STXBP6: variants seen among roughly 807,000 people sequenced by gnomAD.
STXBP6 encodes the protein syntaxin binding protein 6.
A neutral mutation model predicts 26.9 loss-of-function variants in STXBP6; 21 were observed. The observed-to-expected ratio is 0.78, with a 90% confidence interval of 0.55 to 1.12. STXBP6 has a LOEUF of 1.12. STXBP6 is among the 50% of genes most tolerant of loss of function. The pLI, the probability that STXBP6 is intolerant of heterozygous loss-of-function variation, is 0.00. For missense variants in STXBP6, 232 were observed against 257.9 expected (o/e 0.90, Z 0.69); for synonymous variants, 97 against 92.6 (o/e 1.05, Z -0.27).
chr14:24,961,632 G>A (rs969921920), intron 2 of STXBP6, among the ~76,000 whole-genome samples: 3 of 151,870 alleles, frequency 2.0e-5, no homozygotes, highest in Non-Finnish European at 2.9e-5. Context: ...GACAGATACC[G>A]GGGACTCTAA....
chr14:24,906,737 A>G (rs2139681895), intron 2 of STXBP6, among the ~76,000 whole-genome samples: 1 of 152,298 alleles, frequency 6.6e-6, no homozygotes, highest in African/African-American at 2.4e-5. Flanking sequence ...TCAAATTTCT[A>G]AGCTGGCAGT....
In STXBP6 at chr14:25,049,974, G is replaced by A. The variant is rs1331631467; in HGVS notation, c.-129C>T. The A allele has an allele frequency of 1.3e-6, 1 of 744,190 alleles. No homozygotes were observed. Among genetic ancestry groups the A allele is most frequent in the Non-Finnish European group, 1.6e-6 (1 of 609,784 alleles). The allele number at this position is 744,190 out of a possible 1,614,324, so 46.1% of individuals were successfully genotyped here. ...GGGGGCTGCCCCGCGCGGGGCTCCGGGCTCCGGACAAGGCTTAGCCGGCCC... is the reference window on the plus strand; with the variant it reads ...GGGGGCTGCCCCGCGCGGGGCTCCGAGCTCCGGACAAGGCTTAGCCGGCCC... On this transcript the variant is annotated 5_prime_UTR_variant, in exon 1 of 6. Coordinates refer to ENST00000323944, the MANE Select transcript of STXBP6 (RefSeq NM_001394410.1). This position sits in a 1 kb window ranked among gnomAD's most constrained non-coding sequence, Gnocchi z 5.6.
intron 1 of STXBP6, among the ~76,000 whole-genome samples, chr14:25,007,333 G>T (rs1345965239): frequency 6.6e-6 from 1 of 152,182 alleles, no homozygotes; most frequent in Admixed American, 6.5e-5. Context: ...ACCTTGCTAA[G>T]AGGCGTGGGG....
At chr14:24,850,411 A>T (rs1442052958) in intron 4 of STXBP6, among the ~76,000 whole-genome samples, 1 of 152,140 alleles carries the variant, frequency 6.6e-6, no homozygotes, top group Non-Finnish European at 1.5e-5. Context: ...CTGTGCATAG[A>T]AGCGTAATGC....
intron 1 of STXBP6, among the ~76,000 whole-genome samples, chr14:25,000,901 T>C (rs1413872296): frequency 1.3e-5 from 2 of 151,972 alleles, no homozygotes; most frequent in Non-Finnish European, 2.9e-5. Context: ...CAGCTGTCCA[T>C]ACTTTGTTGA....
intron 4 of STXBP6, among the ~76,000 whole-genome samples, chr14:24,846,826 A>G (rs1278421654): frequency 6.6e-6 from 1 of 152,196 alleles, no homozygotes; most frequent in African/African-American, 2.4e-5. Flanking sequence ...TACCTATGCT[A>G]AATCTTATTA....
intron 2 of STXBP6, among the ~76,000 whole-genome samples, chr14:24,973,578 G>A (rs1226523189): frequency 6.6e-6 from 1 of 151,724 alleles, no homozygotes; most frequent in Non-Finnish European, 1.5e-5. Flanking sequence ...TAGAGACAGG[G>A]TTTCACTATG....
chr14:24,946,930 C>G (rs2073012100), intron 2 of STXBP6, among the ~76,000 whole-genome samples: 1 of 152,032 alleles, frequency 6.6e-6, no homozygotes, highest in Non-Finnish European at 1.5e-5. Flanking sequence ...TGACTGGGCC[C>G]AGGATTTTTA....
At chr14:24,958,082 A>G (rs1310003309) in intron 2 of STXBP6, among the ~76,000 whole-genome samples, 2 of 152,206 alleles carry the variant, frequency 1.3e-5, no homozygotes, top group East Asian at 3.8e-4. Context: ...AAATATGGAA[A>G]AATGATGCTC....
At chr14:24,911,311 T>C (rs1262624112) in intron 2 of STXBP6, among the ~76,000 whole-genome samples, 2 of 148,298 alleles carry the variant, frequency 1.3e-5, no homozygotes, top group East Asian at 4.0e-4. Flanking sequence ...CACTCCAGCC[T>C]GGACAATAGA....
In STXBP6 at chr14:25,049,960, C is replaced by T; in HGVS notation, c.-115G>A. On this transcript the variant is annotated 5_prime_UTR_variant, in exon 1 of 6. Transcript: ENST00000323944. This position sits in a 1 kb window ranked among gnomAD's most constrained non-coding sequence, Gnocchi z 5.6. ...GAGGCTCCTCCCCGGGGGGCTGCCC[C>T]GCGCGGGGCTCCGGGCTCCGGACAA... 1.2e-6 allele frequency: 1 copy of T among 834,642 alleles called. No homozygotes were observed. The highest frequency in any genetic ancestry group is 1.4e-6 in the Non-Finnish European group (1 of 696,742). The allele number at this position is 834,642 out of a possible 1,614,324, so 51.7% of individuals were successfully genotyped here.
intron 2 of STXBP6, among the ~76,000 whole-genome samples, chr14:24,921,588 T>G (rs1388866570): frequency 6.6e-6 from 1 of 152,126 alleles, no homozygotes; most frequent in African/African-American, 2.4e-5. Flanking sequence ...TAGAATCAAC[T>G]GGCATTAAGA....
rs75472702 is a variant in STXBP6, at chr14:24,961,919, A to G, written c.154+12746T>C. Among the ~76,000 whole-genome samples the G allele has an allele frequency of 6.2e-3, 950 of 152,366 alleles. 52 individuals carry two copies. The East Asian group carries it at 0.12, about 20-fold the overall frequency. ...ATTAAATGTACCAACCTAGAAAAAA[A>G]ACATAAATATGTTTGGTTGACATTT... On this transcript the variant is annotated intron_variant, in intron 2 of 5. Coordinates refer to ENST00000323944, the MANE Select transcript of STXBP6 (RefSeq NM_001394410.1).
intron 1 of STXBP6, among the ~76,000 whole-genome samples, chr14:24,997,886 A>G (rs1433881343): frequency 6.6e-6 from 1 of 152,158 alleles, no homozygotes; most frequent in African/African-American, 2.4e-5. Context: ...ATATAAAAAG[A>G]GAGAACATAT....
chr14:24,840,363 G>A (rs191504491), intron 4 of STXBP6, among the ~76,000 whole-genome samples: 55 of 152,262 alleles, frequency 3.6e-4, no homozygotes, highest in African/African-American at 1.3e-3. Context: ...AACAAGATGC[G>A]ACCACAGGAT....
At chr14:25,033,336 C>G (rs1334575634) in intron 1 of STXBP6, among the ~76,000 whole-genome samples, 3 of 152,218 alleles carry the variant, frequency 2.0e-5, no homozygotes, top group Non-Finnish European at 4.4e-5. Context: ...AGACTATCAT[C>G]ATTTCTTCCT....
intron 5 of STXBP6, chr14:24,816,153 G>T (rs79842284): frequency 0.024 from 3,629 of 152,336 alleles, 160 homozygotes; most frequent in East Asian, 0.18. Context: ...GCTGCCACCT[G>T]GCATTGCCAT....
rs192485788 is a variant in STXBP6, at chr14:24,988,401, C to T, written c.-32-13551G>A. On this transcript the variant is annotated intron_variant, in intron 1 of 5. Transcript: ENST00000323944. ...GAGAAAGACAAGGAAAACAGGTAAC[C>T]AACTACACAAAATTAAGACTCTGAA... Among the ~76,000 whole-genome samples, 194 of 152,202 alleles carry T rather than the reference C, an allele frequency of 1.3e-3. 1 individual carries two copies. The highest frequency in any genetic ancestry group is 4.4e-3 in the African/African-American group (184 of 41,536).
rs184163685 is a variant in STXBP6, at chr14:24,860,160, C to T, written c.155-3003G>A. Among the ~76,000 whole-genome samples the T allele has an allele frequency of 1.1e-4, 16 of 152,284 alleles. No homozygotes were observed. In the East Asian group the frequency reaches 3.1e-3, roughly 29 times the overall value. ...AAAGAGCTCTTTTTAAAAATGGCCCCTCCATGAGACACTTTATACAAACAA... is the reference window on the plus strand; with the variant it reads ...AAAGAGCTCTTTTTAAAAATGGCCCTTCCATGAGACACTTTATACAAACAA... On this transcript the variant is annotated intron_variant, in intron 2 of 5. Coordinates refer to ENST00000323944, the MANE Select transcript of STXBP6 (RefSeq NM_001394410.1).
Sources: allele counts gnomAD v4.1 joint callset (sites outside exome capture counted in the v4.1 genomes callset), GRCh38; gene constraint gnomAD v4.1.1; non-coding constraint Gnocchi (gnomAD v3.1); transcripts MANE v1.5; gene names NCBI Gene and HGNC (gene_info 2026-07-23, HGNC 2026-07-21).